ABCG1: variants seen among roughly 807,000 people sequenced by gnomAD.
ABCG1 encodes ATP binding cassette subfamily G member 1, also known as ATP-binding cassette sub-family G member 1.
Under a neutral mutation model 69.2 loss-of-function variants are expected in ABCG1, and 29 were observed. The observed-to-expected ratio is 0.42, with a 90% confidence interval of 0.31 to 0.57. The LOEUF (loss-of-function observed/expected upper bound fraction) is 0.57. Among genes scored for constraint, ABCG1 ranks in the 20% least tolerant of loss-of-function variants. The pLI, the probability that ABCG1 is intolerant of heterozygous loss-of-function variation, is 0.15. For missense variants in ABCG1, 718 were observed against 898.1 expected (o/e 0.80, Z 2.56); for synonymous variants, 370 against 374.8 (o/e 0.99, Z 0.15).
chr21:42,244,561 CT>C (rs200032096), intron 2 of ABCG1, among the ~76,000 whole-genome samples: 4 of 152,102 alleles, frequency 2.6e-5, no homozygotes, highest in Non-Finnish European at 5.9e-5. Flanking sequence ...AATTCCCACT[CT>C]TTTTTTTGGT....
chr21:42,247,720 C>T (rs145264511), intron 2 of ABCG1, among the ~76,000 whole-genome samples: 21 of 152,208 alleles, frequency 1.4e-4, no homozygotes, highest in African/African-American at 4.1e-4. Flanking sequence ...GGGGCCACCC[C>T]GGATTAGGAT....
chr21:42,229,588 C>T (rs57348715), intron 2 of ABCG1, among the ~76,000 whole-genome samples: 7 of 152,122 alleles, frequency 4.6e-5, no homozygotes, highest in East Asian at 1.9e-4. Flanking sequence ...AGCGTGGTGG[C>T]GAGTGCCTGT....
chr21:42,231,699 G>A (rs571384723), intron 2 of ABCG1, among the ~76,000 whole-genome samples: 1 of 152,244 alleles, frequency 6.6e-6, no homozygotes, highest in Non-Finnish European at 1.5e-5. Flanking sequence ...AGGCAGCCCG[G>A]TTAAAGGCAG....
intron 1 of ABCG1, among the ~76,000 whole-genome samples, chr21:42,223,097 C>T (rs1007212792): frequency 2.6e-5 from 4 of 152,160 alleles, no homozygotes; most frequent in African/African-American, 7.2e-5. Flanking sequence ...CCTTGTTTGC[C>T]CCTCTAGTCT....
At chr21:42,252,638 G>A (rs992647662) in intron 2 of ABCG1, among the ~76,000 whole-genome samples, 1 of 152,120 alleles carries the variant, frequency 6.6e-6, no homozygotes, top group Non-Finnish European at 1.5e-5. Context: ...GCTTGGAGAT[G>A]TGTCCCAAAT....
intron 2 of ABCG1, among the ~76,000 whole-genome samples, chr21:42,266,777 A>G (rs1255479231): frequency 6.6e-6 from 1 of 152,140 alleles, no homozygotes; most frequent in Non-Finnish European, 1.5e-5. Flanking sequence ...TACACTAGAA[A>G]CCATCTTGTC....
intron 1 of ABCG1, among the ~76,000 whole-genome samples, chr21:42,220,421 G>GAA (rs4148146): frequency 8.2e-5 from 12 of 145,520 alleles, no homozygotes; most frequent in Non-Finnish European, 1.7e-4. Flanking sequence ...GAGCTCAAGA[G>GAA]AAAAAAAAAA....
At chr21:42,274,475 CTT>C (rs57783276) in intron 4 of ABCG1, among the ~76,000 whole-genome samples, 18 of 128,960 alleles carry the variant, frequency 1.4e-4, no homozygotes, top group Admixed American at 2.4e-4. Context: ...TTTCCAGGGC[CTT>C]TTTTTTTTTT....
At chr21:42,213,645 C>T (rs1307382062), upstream of ABCG1, among the ~76,000 whole-genome samples, 4 of 152,244 alleles carry the variant, frequency 2.6e-5, no homozygotes, top group Non-Finnish European at 5.9e-5. Flanking sequence ...CCAGCAAACC[C>T]ATGTAGGAGG....
rs140413249 is a variant in ABCG1, at chr21:42,235,158, G to C, written c.286+9244G>C. On this transcript the variant is annotated intron_variant, in intron 2 of 14. Coordinates refer to ENST00000398449, the MANE Select transcript of ABCG1 (RefSeq NM_016818.3). ...GGAAGCCTGAGAGCGCTGGCAGTAG[G>C]AAGGGTCGCCAGTGTGGACCTGAGG... 3.9e-3 allele frequency among the ~76,000 whole-genome samples: 587 copies of C among 152,358 alleles called. 2 individuals carry two copies. The highest frequency in any genetic ancestry group is 0.013 in the African/African-American group (552 of 41,592).
At chr21:42,254,145 C>G (rs180909118) in intron 2 of ABCG1, among the ~76,000 whole-genome samples, 260 of 152,156 alleles carry the variant, frequency 1.7e-3, no homozygotes, top group African/African-American at 6.1e-3. Flanking sequence ...TGAGGGAGAC[C>G]CCAGAACCGG....
chr21:42,284,931 T>C lies in ABCG1; in HGVS notation c.858+248T>C, dbSNP rs532159585. ...CATCAAACCCTGGGTACCCATGGCC[T>C]TCTGTTAGCTCGTGGGGTGTCTTCA... On this transcript the variant is annotated intron_variant, in intron 7 of 14. Coordinates refer to ENST00000398449, the MANE Select transcript of ABCG1 (RefSeq NM_016818.3). 9.2e-5 allele frequency among the ~76,000 whole-genome samples: 14 copies of C among 152,352 alleles called. No homozygotes were observed. The East Asian group carries it at 2.7e-3, about 29-fold the overall frequency.
chr21:42,214,876 C>A (rs1457974919), upstream of ABCG1, among the ~76,000 whole-genome samples: 1 of 152,228 alleles, frequency 6.6e-6, no homozygotes, highest in African/African-American at 2.4e-5. Flanking sequence ...TGCCATCAGG[C>A]AGCAGTGGGA....
chr21:42,219,956 C>G lies in ABCG1; in HGVS notation c.42+652C>G, dbSNP rs9975490. 0.16 allele frequency: 243,609 copies of G among 1,551,278 alleles called. 20,270 individuals carry two copies. Among genetic ancestry groups the G allele is most frequent in the Admixed American group, 0.23 (11,637 of 51,024 alleles). ...TTTCTGCGCGCGCCGGAGAGAGAGA[C>G]GCGGTGGGGACAGGGATGCGCATTT... On this transcript the variant is annotated intron_variant, in intron 1 of 14. Transcript: ENST00000398449. The surrounding 1 kb of genome is among the most constrained non-coding windows in gnomAD (Gnocchi z 5.3).
upstream of ABCG1, chr21:42,216,026 T>C (rs1308960730): frequency 6.1e-6 from 2 of 328,092 alleles, no homozygotes; most frequent in Non-Finnish European, 1.2e-5. Context: ...TAGGGGCAGG[T>C]CTTTCCCATG....
At chr21:42,215,682 G>T (rs1455450076), upstream of ABCG1, among the ~76,000 whole-genome samples, 1 of 152,180 alleles carries the variant, frequency 6.6e-6, no homozygotes, top group African/African-American at 2.4e-5. Context: ...GGGACAAAAG[G>T]GCGTCTTCTA....
chr21:42,219,173 G>T lies in ABCG1; in HGVS notation c.-90G>T. The T allele has an allele frequency of 8.6e-7, 1 of 1,167,854 alleles. No homozygotes were observed. The highest frequency in any genetic ancestry group is 3.4e-5 in the South Asian group (1 of 29,636). 72.3% of individuals were successfully genotyped at this position (1,167,854 alleles called of 1,614,324 possible). A position where few individuals can be genotyped will look rare whatever the true frequency, so the allele number is the denominator to read the frequency against. ...AGCGCAGCCCGCACCCCGCGCAGCG[G>T]CTGAGCCGGGAGCCAGCGCAGCCTC... On this transcript the variant is annotated 5_prime_UTR_variant, in exon 1 of 15. Coordinates refer to ENST00000398449, the MANE Select transcript of ABCG1 (RefSeq NM_016818.3). This position sits in a 1 kb window ranked among gnomAD's most constrained non-coding sequence, Gnocchi z 5.3.
chr21:42,265,194 C>T (rs1206283343), intron 2 of ABCG1, among the ~76,000 whole-genome samples: 1 of 152,204 alleles, frequency 6.6e-6, no homozygotes, highest in African/African-American at 2.4e-5. Context: ...CATTCCTGCA[C>T]CCACAGGTCA....
chr21:42,271,067 C>T lies in ABCG1; in HGVS notation c.287-3C>T, dbSNP rs759360627. ...AATATGAATATGATCTGCTTTTTTG[C>T]AGGATACAAGACCCTCCTGAAAGGA... On this transcript the variant is annotated splice_polypyrimidine_tract_variant and splice_region_variant and intron_variant, in intron 2 of 14. Coordinates refer to ENST00000398449, the MANE Select transcript of ABCG1 (RefSeq NM_016818.3). 80 of 1,484,922 alleles carry T rather than the reference C, an allele frequency of 5.4e-5. No homozygotes were observed. The South Asian group carries it at 1.0e-3, about 19-fold the overall frequency. 92.0% of individuals were successfully genotyped at this position (1,484,922 alleles called of 1,614,324 possible).
Sources: allele counts gnomAD v4.1 joint callset (sites outside exome capture counted in the v4.1 genomes callset), GRCh38; gene constraint gnomAD v4.1.1; non-coding constraint Gnocchi (gnomAD v3.1); transcripts MANE v1.5; gene names NCBI Gene and HGNC (gene_info 2026-07-23, HGNC 2026-07-21).